Variants in GDAP1 observed in about 807,000 individuals in gnomAD.
GDAP1 encodes ganglioside-induced differentiation-associated protein 1.
A neutral mutation model predicts 40.1 loss-of-function variants in GDAP1; 34 were observed. The ratio of observed to expected loss-of-function variants is 0.85; its 90% CI spans 0.64 to 1.13. The LOEUF is 1.13. Among genes scored for constraint, GDAP1 ranks in the 50% most tolerant of loss-of-function variants. The pLI, the probability that GDAP1 is intolerant of heterozygous loss-of-function variation, is 0.00. For missense variants in GDAP1, 374 were observed against 433.7 expected (o/e 0.86, Z 1.22); for synonymous variants, 170 against 157.4 (o/e 1.08, Z -0.60).
At chr8:74,383,477 T>C (rs1489336327) in intron 2 of GDAP1, among the ~76,000 whole-genome samples, 2 of 152,220 alleles carry the variant, frequency 1.3e-5, no homozygotes, top group South Asian at 2.1e-4. Context: ...TTTTGAGTAG[T>C]AGAACTGATT....
At chr8:74,396,716 T>C (rs1810206280) in intron 2 of GDAP1, among the ~76,000 whole-genome samples, 1 of 152,220 alleles carries the variant, frequency 6.6e-6, no homozygotes, top group Admixed American at 6.5e-5. Flanking sequence ...TAGTATTCCA[T>C]GGTGTATATG....
chr8:74,414,372 A>G (rs948711567), intron 2 of GDAP1, among the ~76,000 whole-genome samples: 13 of 150,218 alleles, frequency 8.7e-5, no homozygotes, highest in African/African-American at 2.5e-5. Context: ...AGCAACTATT[A>G]TAACACTACT....
At chr8:74,431,720 A>T (rs1806028964) in intron 2 of GDAP1, among the ~76,000 whole-genome samples, 1 of 152,008 alleles carries the variant, frequency 6.6e-6, no homozygotes, top group African/African-American at 2.4e-5. Context: ...TGACCTCGTG[A>T]TCTGCCTGCG....
chr8:74,467,989 A>C (rs1806494992), intron 2 of GDAP1, among the ~76,000 whole-genome samples: 1 of 151,608 alleles, frequency 6.6e-6, no homozygotes, highest in Admixed American at 6.6e-5. Flanking sequence ...TTTTTTTCAG[A>C]TGCATACCTA....
intron 2 of GDAP1, among the ~76,000 whole-genome samples, chr8:74,436,607 G>A (rs1255113794): frequency 1.3e-5 from 2 of 151,822 alleles, no homozygotes; most frequent in African/African-American, 2.4e-5. Context: ...ATTTTTAGTA[G>A]AGATGGGTTT....
Position 74,365,668 on chromosome 8 carries a change from A to G in GDAP1, c.*1301A>G, listed in dbSNP as rs779268019. 3.3e-5 allele frequency: 15 copies of G among 454,392 alleles called. No homozygotes were observed. The highest frequency in any genetic ancestry group is 6.2e-5 in the Non-Finnish European group (14 of 226,788). 28.1% of individuals were successfully genotyped at this position (454,392 alleles called of 1,614,324 possible). A position where few individuals can be genotyped will look rare whatever the true frequency, so the allele number is the denominator to read the frequency against. On this transcript the variant is annotated 3_prime_UTR_variant, in exon 6 of 6. Coordinates refer to ENST00000220822, the MANE Select transcript of GDAP1 (RefSeq NM_018972.4). ...ACTTTATCATTAATAGGAAAGTCAT[A>G]CCTAGGAAACAATGACTTTTTGATG... is the stretch of plus-strand genomic sequence containing the variant.
intron 2 of GDAP1, among the ~76,000 whole-genome samples, chr8:74,484,920 T>G (rs1806757396): frequency 6.6e-6 from 1 of 152,120 alleles, no homozygotes; most frequent in Admixed American, 6.6e-5. Context: ...CCTCATCATT[T>G]CTTAGTTAGA....
intron 2 of GDAP1, among the ~76,000 whole-genome samples, chr8:74,475,744 G>T (rs990980324): frequency 6.6e-6 from 1 of 152,096 alleles, no homozygotes; most frequent in African/African-American, 2.4e-5. Flanking sequence ...GCAATGAGAA[G>T]AATGTATATT....
chr8:74,437,797 G>A (rs751515591), intron 2 of GDAP1, among the ~76,000 whole-genome samples: 27 of 152,152 alleles, frequency 1.8e-4, no homozygotes, highest in African/African-American at 5.8e-4. Flanking sequence ...CACATGGTAC[G>A]TGTAACTCTT....
chr8:74,382,951 A>T (rs1198463062), intron 2 of GDAP1, among the ~76,000 whole-genome samples: 1 of 152,184 alleles, frequency 6.6e-6, no homozygotes, highest in Non-Finnish European at 1.5e-5. Context: ...AATTCATGGC[A>T]TTTGAATACA....
rs76435308 is a variant in GDAP1, at chr8:74,447,669, G to T, written c.166-41009G>T. Among the ~76,000 whole-genome samples, 121 of 152,196 alleles carry T rather than the reference G, an allele frequency of 8.0e-4. 1 individual carries two copies. In the East Asian group the frequency reaches 0.014, roughly 18 times the overall value. ...CACACCCACAAAGGGTAATAAAATG[G>T]GCACTTTCAGGACAGAAGCACAAGT... On this transcript the variant is annotated intron_variant, in intron 2 of 2. Coordinates refer to the GDAP1 transcript ENST00000523640.
downstream of GDAP1, chr8:74,367,121 A>T (rs1809672312): frequency 3.7e-5 from 7 of 191,492 alleles, no homozygotes; most frequent in Admixed American, 3.9e-4. Context: ...AAAGAATAAC[A>T]TTGATGCTGC....
intron 2 of GDAP1, among the ~76,000 whole-genome samples, chr8:74,416,929 G>GTTTTTT (rs71269992): frequency 2.2e-5 from 3 of 134,176 alleles, no homozygotes; most frequent in Non-Finnish European, 4.6e-5. Context: ...TTTGTTTTTT[G>GTTTTTT]TTTTTTTTTT....
At chr8:74,396,828 G>A (rs1563457132) in intron 2 of GDAP1, among the ~76,000 whole-genome samples, 1 of 152,280 alleles carries the variant, frequency 6.6e-6, no homozygotes, top group East Asian at 1.9e-4. Context: ...GTGTGCATGT[G>A]TCTTTATAGC....
rs747122057 is a variant in GDAP1 at position 74,350,432 on chromosome 8, C to G, written c.-30C>G. The G allele has an allele frequency of 3.3e-5, 46 of 1,380,158 alleles. No homozygotes were observed. In the South Asian group the frequency reaches 5.1e-4, roughly 15 times the overall value. 85.5% of individuals were successfully genotyped at this position (1,380,158 alleles called of 1,614,324 possible). A position where few individuals can be genotyped will look rare whatever the true frequency, so the allele number is the denominator to read the frequency against. On this transcript the variant is annotated 5_prime_UTR_variant, in exon 1 of 6. Coordinates refer to ENST00000220822, the MANE Select transcript of GDAP1 (RefSeq NM_018972.4). The stretch of plus-strand genomic sequence containing the variant: ...GAGGGAGAAGTCCAGGGCGGACAGG[C>G]TGGGCGCACCCGTGCTCGCGCACCC...
intron 2 of GDAP1, among the ~76,000 whole-genome samples, chr8:74,456,463 A>G (rs1806337357): frequency 6.6e-6 from 1 of 151,966 alleles, no homozygotes. Flanking sequence ...GAGTAAATAA[A>G]ATGAAGATCA....
intron 2 of GDAP1, among the ~76,000 whole-genome samples, chr8:74,450,546 C>T (rs1806289225): frequency 6.6e-6 from 1 of 151,892 alleles, no homozygotes; most frequent in Non-Finnish European, 1.5e-5. Flanking sequence ...ATATTAGACA[C>T]ATACACATTT....
intron 3 of GDAP1, among the ~76,000 whole-genome samples, chr8:74,360,656 A>G (rs1261620180): frequency 6.6e-6 from 1 of 152,188 alleles, no homozygotes; most frequent in Non-Finnish European, 1.5e-5. Context: ...TCTGCCTAGG[A>G]TTATGGGCAG....
intron 2 of GDAP1, among the ~76,000 whole-genome samples, chr8:74,435,820 A>G (rs1039431210): frequency 6.6e-6 from 1 of 152,208 alleles, no homozygotes; most frequent in African/African-American, 2.4e-5. Flanking sequence ...CTAGAATATA[A>G]AAAAGTTTAT....
Sources: allele counts gnomAD v4.1 joint callset (sites outside exome capture counted in the v4.1 genomes callset), GRCh38; gene constraint gnomAD v4.1.1; transcripts MANE v1.5; gene names NCBI Gene and HGNC (gene_info 2026-07-23, HGNC 2026-07-21).